The following ROBO2 variants were observed in gnomAD, a reference collection of about 807,000 sequenced individuals.
The protein encoded by ROBO2 is roundabout guidance receptor 2.
A neutral mutation model predicts 160.8 loss-of-function variants in ROBO2; 53 were observed. The ratio of observed to expected loss-of-function variants is 0.33; its 90% CI spans 0.26 to 0.41. The LOEUF is 0.41. ROBO2 is among the 10% of genes least tolerant of loss of function. ROBO2 has a pLI of 1.00. For synonymous variants in ROBO2, 664 were observed against 611.7 expected (o/e 1.09, Z -1.26); for missense variants, 1,577 against 1,722.4 (o/e 0.92, Z 1.49).
chr3:77,270,139 T>G (rs1431338775), intron 2 of ROBO2, among the ~76,000 whole-genome samples: 1 of 152,216 alleles, frequency 6.6e-6, no homozygotes, highest in African/African-American at 2.4e-5. Context: ...TTCATACTCC[T>G]TAGAAGCAGC....
chr3:76,712,926 C>A (rs2093322981), intron 2 of ROBO2, among the ~76,000 whole-genome samples: 1 of 152,098 alleles, frequency 6.6e-6, no homozygotes, highest in South Asian at 2.1e-4. Context: ...TCATTGGATT[C>A]TTATTCACAA....
At chr3:76,330,152 A>G (rs2056158) in intron 2 of ROBO2, among the ~76,000 whole-genome samples, 115,283 of 152,098 alleles carry the variant, frequency 0.76, 46,777 homozygotes, top group East Asian at 0.96. Flanking sequence ...TAGGTTTTCT[A>G]TATACTCAAG....
intron 2 of ROBO2, among the ~76,000 whole-genome samples, chr3:77,298,874 C>A (rs568471850): frequency 6.6e-6 from 1 of 152,080 alleles, no homozygotes; most frequent in Non-Finnish European, 1.5e-5. Context: ...ATAAGATATA[C>A]GTGTACAGAA....
chr3:77,394,540 T>C (rs1379967464), intron 2 of ROBO2, among the ~76,000 whole-genome samples: 1 of 152,210 alleles, frequency 6.6e-6, no homozygotes, highest in African/African-American at 2.4e-5. Context: ...CAGATGAGTT[T>C]TGCGTCTTCA....
At chr3:76,069,915 C>T (rs2068389986) in intron 2 of ROBO2, among the ~76,000 whole-genome samples, 1 of 152,156 alleles carries the variant, frequency 6.6e-6, no homozygotes, top group Admixed American at 6.5e-5. Context: ...TTATGCCTGT[C>T]TTTACTGCAA....
chr3:77,244,888 A>AG (rs1177352345), intron 2 of ROBO2, among the ~76,000 whole-genome samples: 1 of 151,008 alleles, frequency 6.6e-6, no homozygotes, highest in Non-Finnish European at 1.5e-5. Flanking sequence ...AAAAAAAAAA[A>AG]AAAGAAAAAA....
chr3:76,447,272 C>A (rs2077233653), intron 2 of ROBO2, among the ~76,000 whole-genome samples: 1 of 152,038 alleles, frequency 6.6e-6, no homozygotes, highest in African/African-American at 2.4e-5. Context: ...ATTTATGCAG[C>A]CAAAAAACAC....
intron 2 of ROBO2, among the ~76,000 whole-genome samples, chr3:76,047,571 A>G (rs1055238336): frequency 6.6e-6 from 1 of 152,220 alleles, no homozygotes; most frequent in Non-Finnish European, 1.5e-5. Flanking sequence ...GTCATGCAAC[A>G]CAATCCTTCT....
At chr3:76,060,172 T>C (rs1469271971) in intron 2 of ROBO2, among the ~76,000 whole-genome samples, 8 of 152,166 alleles carry the variant, frequency 5.3e-5, no homozygotes, top group Non-Finnish European at 1.2e-4. Flanking sequence ...TAACTATAAA[T>C]CATTTCCATG....
At position 77,550,997 on chromosome 3, in the gene ROBO2, A is replaced by G. The variant is rs570212736; in HGVS notation, c.1231+8A>G. 6.2e-7 allele frequency: 1 copy of G among 1,612,210 alleles called. No individual in the cohort carries two copies. The highest frequency in any genetic ancestry group is 8.5e-7 in the Non-Finnish European group (1 of 1,178,836). ...AACTGGAGGTTACTGATGGTGCGAT[A>G]TCTTTACTAGATTTGTCTTATGAAA... On this transcript the variant is annotated splice_region_variant and intron_variant, in intron 8 of 25. Transcript: ENST00000461745.
intron 2 of ROBO2, among the ~76,000 whole-genome samples, chr3:76,404,703 C>T (rs1180521427): frequency 6.6e-6 from 1 of 150,974 alleles, no homozygotes; most frequent in Non-Finnish European, 1.5e-5. Flanking sequence ...GAAATGCAGG[C>T]GTGTGGGTTG....
chr3:76,012,056 C>G (rs1258781569), intron 2 of ROBO2, among the ~76,000 whole-genome samples: 2 of 152,176 alleles, frequency 1.3e-5, no homozygotes, highest in African/African-American at 4.8e-5. Flanking sequence ...GCAATACAAA[C>G]TCTTGCCAAA....
In ROBO2 at chr3:77,398,539, T is replaced by G. The variant is rs146109095; in HGVS notation, c.389-78875T>G. Among the ~76,000 whole-genome samples, 914 of 152,160 alleles carry G rather than the reference T, an allele frequency of 6.0e-3. 11 individuals are homozygous for G. Among genetic ancestry groups the G allele is most frequent in the African/African-American group, 0.021 (862 of 41,524 alleles). ...GTAAAGGGCTTTCTCTTGCTCAGGTTTACTGATAACCTGGATTTTTACTAG... is the reference window on the plus strand; with the variant it reads ...GTAAAGGGCTTTCTCTTGCTCAGGTGTACTGATAACCTGGATTTTTACTAG... On this transcript the variant is annotated intron_variant, in intron 2 of 25. Transcript: ENST00000461745.
chr3:77,236,421 A>C (rs1456436523), intron 2 of ROBO2, among the ~76,000 whole-genome samples: 1 of 152,176 alleles, frequency 6.6e-6, no homozygotes, highest in Non-Finnish European at 1.5e-5. Context: ...CTGAAATCTG[A>C]AAGAGAGGAG....
chr3:76,901,123 G>C (rs915799800), intron 2 of ROBO2, among the ~76,000 whole-genome samples: 1 of 152,014 alleles, frequency 6.6e-6, no homozygotes, highest in Non-Finnish European at 1.5e-5. Context: ...CCAAGTATGA[G>C]GGTTAGTATG....
chr3:77,209,919 G>A (rs1428865757), intron 2 of ROBO2, among the ~76,000 whole-genome samples: 4 of 152,128 alleles, frequency 2.6e-5, no homozygotes, highest in Non-Finnish European at 1.5e-5. Context: ...ATTCTAATGT[G>A]TGGGGATCTT....
intron 2 of ROBO2, among the ~76,000 whole-genome samples, chr3:76,795,502 G>T (rs1476720838): frequency 1.3e-5 from 2 of 152,060 alleles, no homozygotes; most frequent in Non-Finnish European, 2.9e-5. Flanking sequence ...TCCATCTCAA[G>T]AAACCACTCT....
chr3:77,222,652 A>G (rs1328429328), intron 2 of ROBO2, among the ~76,000 whole-genome samples: 2 of 152,194 alleles, frequency 1.3e-5, no homozygotes, highest in African/African-American at 4.8e-5. Flanking sequence ...CTATATCTTC[A>G]TATGCAAGCA....
rs111959247 is a variant in ROBO2, at chr3:77,547,828, A to G, written c.1059+1366A>G. ...AACTCTCAAATCTTCTTTCTAATTTAGTAATTACAAAACAGGTTTCTACAC... is the reference window on the plus strand; with the variant it reads ...AACTCTCAAATCTTCTTTCTAATTTGGTAATTACAAAACAGGTTTCTACAC... On this transcript the variant is annotated intron_variant, in intron 7 of 25. Coordinates refer to ENST00000461745, the Ensembl canonical transcript of ROBO2. 2.4e-3 allele frequency among the ~76,000 whole-genome samples: 367 copies of G among 152,214 alleles called. 3 individuals carry two copies. The highest frequency in any genetic ancestry group is 7.1e-3 in the African/African-American group (295 of 41,548).
Sources: allele counts gnomAD v4.1 joint callset (sites outside exome capture counted in the v4.1 genomes callset), GRCh38; gene constraint gnomAD v4.1.1; transcripts MANE v1.5; gene names NCBI Gene and HGNC (gene_info 2026-07-23, HGNC 2026-07-21).